Variants in PLGRKT observed in about 807,000 individuals in gnomAD.
PLGRKT encodes the protein plasminogen receptor with a C-terminal lysine, also known as plasminogen receptor (KT).
A neutral mutation model predicts 18.5 loss-of-function variants in PLGRKT; 22 were observed. The ratio of observed to expected loss-of-function variants is 1.19; its 90% CI spans 0.85 to 1.70. The LOEUF is 1.70. Among genes scored for constraint, PLGRKT ranks in the 40% most tolerant of loss-of-function variants. The pLI is 0.00. For synonymous variants in PLGRKT, 72 were observed against 52.8 expected, an observed-to-expected ratio of 1.36 and a Z score of -1.58; for missense variants, 235 against 174.4, an observed-to-expected ratio of 1.35 and a Z score of -1.96.
At chr9:5,396,881 T>A (rs900178657) in intron 3 of PLGRKT, among the ~76,000 whole-genome samples, 1 of 151,958 alleles carries the variant, frequency 6.6e-6, no homozygotes, top group African/African-American at 2.4e-5. Context: ...TCATCAAAAT[T>A]AAGCACTTCA....
chr9:5,409,113 A>G (rs547675829), intron 3 of PLGRKT, among the ~76,000 whole-genome samples: 6 of 152,234 alleles, frequency 3.9e-5, no homozygotes, highest in Non-Finnish European at 8.8e-5. Flanking sequence ...ACAGAGGGGA[A>G]ATATGGGGTT....
intron 3 of PLGRKT, among the ~76,000 whole-genome samples, chr9:5,366,788 T>C (rs911533267): frequency 3.3e-5 from 5 of 152,040 alleles, no homozygotes; most frequent in African/African-American, 9.7e-5. Flanking sequence ...GGCATCCAAA[T>C]GGAAAAACAA....
chr9:5,420,952 T>C (rs1314939998), intron 3 of PLGRKT, among the ~76,000 whole-genome samples: 1 of 152,256 alleles, frequency 6.6e-6, no homozygotes, highest in Non-Finnish European at 1.5e-5. Context: ...TAATAGTTAT[T>C]TGCTGCTTTA....
intron 3 of PLGRKT, among the ~76,000 whole-genome samples, chr9:5,427,787 A>T (rs1818731848): frequency 6.6e-6 from 1 of 152,170 alleles, no homozygotes; most frequent in African/African-American, 2.4e-5. Context: ...GAAATATTTG[A>T]CTTTCTGGAA....
At chr9:5,419,667 A>T (rs913205137) in intron 3 of PLGRKT, among the ~76,000 whole-genome samples, 4 of 152,022 alleles carry the variant, frequency 2.6e-5, no homozygotes, top group African/African-American at 9.7e-5. Flanking sequence ...AATGAGATAT[A>T]TTTCAAAACT....
At position 5,418,429 on chromosome 9, in the gene PLGRKT, C is replaced by T; in HGVS notation, c.81+13468G>A. ...GCAGGACATGTTATGGAGCACGATG[C>T]TGAGGAGGAAGACCAAGACGCAAGC... On this transcript the variant is annotated intron_variant, in intron 3 of 5. Transcript: ENST00000223864. This position sits in a 1 kb window ranked among gnomAD's most constrained non-coding sequence, Gnocchi z 4.2. The T allele has an allele frequency of 1.1e-6, 1 of 904,718 alleles. No individual in the cohort carries two copies. The allele number at this position is 904,718 out of a possible 1,614,324, so 56.0% of individuals were successfully genotyped here. A position where few individuals can be genotyped will look rare whatever the true frequency, so the allele number is the denominator to read the frequency against.
chr9:5,386,717 C>G (rs1817851374), intron 3 of PLGRKT, among the ~76,000 whole-genome samples: 1 of 151,860 alleles, frequency 6.6e-6, no homozygotes, highest in Non-Finnish European at 1.5e-5. Context: ...TCTCTTTCCC[C>G]CACCTCCCAT....
chr9:5,363,992 C>T (rs1246974995), intron 3 of PLGRKT, among the ~76,000 whole-genome samples: 1 of 152,224 alleles, frequency 6.6e-6, no homozygotes, highest in East Asian at 1.9e-4. Context: ...CATACTGATT[C>T]ATCATATCCC....
At chr9:5,366,877 A>G (rs1817400710) in intron 3 of PLGRKT, among the ~76,000 whole-genome samples, 1 of 152,088 alleles carries the variant, frequency 6.6e-6, no homozygotes, top group Non-Finnish European at 1.5e-5. Context: ...CCTACCCCTA[A>G]TAAATAGACC....
At chr9:5,373,500 G>A (rs889964530) in intron 3 of PLGRKT, among the ~76,000 whole-genome samples, 1 of 152,180 alleles carries the variant, frequency 6.6e-6, no homozygotes, top group Non-Finnish European at 1.5e-5. Context: ...TCAAGCTTTT[G>A]GCTCTATGAG....
In PLGRKT at chr9:5,398,741, A is replaced by G. The variant is rs584649; in HGVS notation, c.81+33156T>C. ...TTGAGGAAATTATATCATGTTTAAA[A>G]ACTTTTTAAAAGAAGGCGCCACATG... On this transcript the variant is annotated intron_variant, in intron 3 of 5. Coordinates refer to ENST00000223864, the MANE Select transcript of PLGRKT (RefSeq NM_018465.4). Among the ~76,000 whole-genome samples, 770 of 150,988 alleles carry G rather than the reference A, an allele frequency of 5.1e-3. 4 individuals are homozygous for G. The highest frequency in any genetic ancestry group is 5.6e-3 in the African/African-American group (224 of 40,318).
chr9:5,385,228 A>C (rs1471099321), intron 3 of PLGRKT, among the ~76,000 whole-genome samples: 1 of 152,160 alleles, frequency 6.6e-6, no homozygotes, highest in Non-Finnish European at 1.5e-5. Flanking sequence ...AAAACAGTAA[A>C]TAAGTATTAT....
At chr9:5,395,566 T>C (rs1304630145) in intron 3 of PLGRKT, among the ~76,000 whole-genome samples, 1 of 151,896 alleles carries the variant, frequency 6.6e-6, no homozygotes, top group East Asian at 1.9e-4. Context: ...CAGAAAGTAA[T>C]ATAAGAGCAG....
intron 3 of PLGRKT, chr9:5,381,808 G>A (rs1817752051): frequency 1.2e-6 from 1 of 852,298 alleles, no homozygotes; most frequent in Admixed American, 6.2e-5. Context: ...GCCAACAATT[G>A]TAGTTTTAAA....
At chr9:5,366,227 C>T (rs1228633486) in intron 3 of PLGRKT, among the ~76,000 whole-genome samples, 1 of 152,038 alleles carries the variant, frequency 6.6e-6, no homozygotes, top group Non-Finnish European at 1.5e-5. Flanking sequence ...AATTGGCATC[C>T]TTTAACTATG....
rs138768931 is a variant in PLGRKT, at chr9:5,437,400, C to A, written c.-133+389G>T. On this transcript the variant is annotated intron_variant, in intron 1 of 5. Transcript: ENST00000223864. ...CATCCCATTGAAATTAAGCCACATCCCCTTGCAAATTCCAGCCCAGAGCCC... is the reference window on the plus strand; with the variant it reads ...CATCCCATTGAAATTAAGCCACATCACCTTGCAAATTCCAGCCCAGAGCCC... Among the ~76,000 whole-genome samples, 717 of 152,296 alleles carry A rather than the reference C, an allele frequency of 4.7e-3. 9 individuals carry two copies. The highest frequency in any genetic ancestry group is 0.017 in the African/African-American group (691 of 41,554).
chr9:5,367,282 G>A (rs1817414851), intron 3 of PLGRKT, among the ~76,000 whole-genome samples: 1 of 151,904 alleles, frequency 6.6e-6, no homozygotes, highest in Admixed American at 6.6e-5. Context: ...AGTCCAAATA[G>A]ATAAAGCAAT....
At chr9:5,424,384 ATAT>A (rs999167567) in intron 3 of PLGRKT, among the ~76,000 whole-genome samples, 2 of 131,950 alleles carry the variant, frequency 1.5e-5, no homozygotes, top group African/African-American at 5.7e-5. Flanking sequence ...AATATATAAC[ATAT>A]TATAAAACAT....
chr9:5,385,331 G>A (rs1245774416), intron 3 of PLGRKT, among the ~76,000 whole-genome samples: 1 of 151,528 alleles, frequency 6.6e-6, no homozygotes, highest in Non-Finnish European at 1.5e-5. Flanking sequence ...AGGACATCTT[G>A]GTATATGTCT....
Sources: allele counts gnomAD v4.1 joint callset (sites outside exome capture counted in the v4.1 genomes callset), GRCh38; gene constraint gnomAD v4.1.1; non-coding constraint Gnocchi (gnomAD v3.1); transcripts MANE v1.5; gene names NCBI Gene and HGNC (gene_info 2026-07-23, HGNC 2026-07-21).